Variants in MAN2B1 observed in about 807,000 individuals in gnomAD.
MAN2B1 encodes mannosidase alpha class 2B member 1.
A neutral mutation model predicts 127.5 loss-of-function variants in MAN2B1; 99 were observed. The observed-to-expected ratio is 0.78, with a 90% CI of 0.66 to 0.92. The LOEUF is 0.92. Ranked by LOEUF, MAN2B1 falls within the 40% of genes least tolerant of loss-of-function variation. The pLI is 0.00. For missense variants in MAN2B1, 1,304 were observed against 1,384.8 expected (o/e 0.94, Z 0.93); for synonymous variants, 573 against 568.8 (o/e 1.01, Z -0.11).
In MAN2B1 at chr19:12,661,176, G is replaced by A. The variant is rs560514667; in HGVS notation, c.1026+84C>T. ...AATAGAACAATAGAAAACAAAGACA[G>A]CACTGAGAGCTATGCACATAACCCA... is the stretch of plus-strand genomic sequence containing the variant. On this transcript the variant is annotated intron_variant, in intron 7 of 23. Transcript: ENST00000456935. 9.9e-4 allele frequency: 886 copies of A among 893,466 alleles called. 3 individuals carry two copies. The highest frequency in any genetic ancestry group is 1.5e-3 in the Non-Finnish European group (804 of 525,454). 55.3% of individuals were successfully genotyped at this position (893,466 alleles called of 1,614,324 possible).
intron 16 of MAN2B1, 48 bp downstream of exon 16, chr19:12,652,105 A>G (rs750455763): frequency 1.4e-6 from 2 of 1,464,368 alleles, no homozygotes; most frequent in South Asian, 1.1e-5. Context: ...CTTGGGCTCC[A>G]TAACTTCCCC....
chr19:12,653,614 A>T (rs1046210262), intron 14 of MAN2B1, among the ~76,000 whole-genome samples: 31 of 151,956 alleles, frequency 2.0e-4, no homozygotes, highest in Admixed American at 2.0e-3. Context: ...AAAAAAAAAA[A>T]TTTAAATTTG....
At chr19:12,648,855 C>T in intron 20 of MAN2B1, among the ~76,000 whole-genome samples, 1 of 152,088 alleles carries the variant, frequency 6.6e-6, no homozygotes, top group East Asian at 1.9e-4. Flanking sequence ...ATTAGCCGGG[C>T]GTGATGGTGT....
rs2023964670 is a variant in MAN2B1 at position 12,656,587 on chromosome 19, C to T, written c.1628G>A (p.Arg543Lys). The change falls in exon 13 of 24, where the codon AGG becomes AAG. Residue 543 changes from arginine (R) to lysine (K), a missense_variant. By Grantham distance (26) the Arg-to-Lys change is conservative. Coordinates refer to ENST00000456935, the MANE Select transcript of MAN2B1 (RefSeq NM_000528.4). ...GVFVVKDPNG[R>K]TVPSDVVIFP... is the part of the protein sequence containing the mutation. ...TGGGCTCACATCGCTGGGCACTGTC[C>T]TGCCATTGGGGTCCTTCACAACGAA... 1 of 1,613,168 alleles carries T rather than the reference C, an allele frequency of 6.2e-7. No homozygotes were observed. The highest frequency in any genetic ancestry group is 2.2e-5 in the East Asian group (1 of 44,872).
rs746514019 is a variant in MAN2B1, at chr19:12,649,398, G to A, written c.2298C>T (p.Asn766=). The A allele has an allele frequency of 1.5e-5, 24 of 1,612,772 alleles. No homozygotes were observed. In the South Asian group the frequency reaches 2.5e-4, roughly 17 times the overall value. ...RRDYRPTWKL[N]QTEPVAGNYY... ...AGTTTCCTGCCACGGGCTCCGTCTG[G>A]TTCAGTTTCCAGGTGGGTCGATAAT... Residue 766 remains asparagine (N), a synonymous_variant, in exon 19 of 24, where the codon AAC becomes AAT. Transcript: ENST00000456935.
Position 12,650,023 on chromosome 19 carries a change from A to C in MAN2B1, c.2166-9T>G. 1 of 1,613,432 alleles carries C rather than the reference A, an allele frequency of 6.2e-7. No homozygotes were observed. Among genetic ancestry groups the C allele is most frequent in the Non-Finnish European group, 8.5e-7 (1 of 1,179,472 alleles). On this transcript the variant is annotated splice_polypyrimidine_tract_variant and intron_variant, in intron 17 of 23. Transcript: ENST00000456935. ...CCTTCCCCCAGGTGTCGCTGTACCC[A>C]ATGGGATGGCAAGGTTGTGAGCCTT...
At chr19:12,653,756 T>A (rs1383932638) in intron 14 of MAN2B1, among the ~76,000 whole-genome samples, 2 of 151,976 alleles carry the variant, frequency 1.3e-5, no homozygotes, top group African/African-American at 2.4e-5. Context: ...TCTTGCTCTG[T>A]CCCCCAGGCT....
In MAN2B1 at chr19:12,657,448, C is replaced by T. The variant is rs749371047; in HGVS notation, c.1417G>A (p.Glu473Lys). ...CTCCCAAGTCTCGCCCCGCGCACCT[C>T]GCAAGGCCCCCAGCCTGCCGCAAGC... ...RQLAAGWGPC[E>K]VLLSNALARL... Residue 473 changes from glutamate to lysine, a missense_variant and splice_region_variant, in exon 11 of 24, where the codon GAG becomes AAG. Glu to Lys is a moderately conservative substitution (Grantham distance 56). Transcript: ENST00000456935. 6.4e-5 allele frequency: 100 copies of T among 1,550,712 alleles called. No individual in the cohort carries two copies. The Admixed American group carries it at 7.6e-4, about 12-fold the overall frequency.
At chr19:12,659,593 G>C (rs1215435612) in intron 7 of MAN2B1, among the ~76,000 whole-genome samples, 1 of 151,710 alleles carries the variant, frequency 6.6e-6, no homozygotes. Context: ...CAAGGCGGAC[G>C]GATCACCTGA....
chr19:12,661,867 C>T (rs890913797), intron 6 of MAN2B1, among the ~76,000 whole-genome samples: 1 of 150,160 alleles, frequency 6.7e-6, no homozygotes, highest in Non-Finnish European at 1.5e-5. Context: ...TTTTTTGAGA[C>T]AGAGTTTCAC....
At chr19:12,661,406 G>T in intron 6 of MAN2B1, 30 bp from the exon 7 acceptor site, 1 of 1,427,276 alleles carries the variant, frequency 7.0e-7, no homozygotes, top group Non-Finnish European at 9.9e-7. Context: ...CCTGAAGCCA[G>T]AGGATCCTGG....
At position 12,647,908 on chromosome 19, in the gene MAN2B1, GA is replaced by G. The variant is rs2023733773; in HGVS notation, c.2664+266del. ...GCAGGACAGAGCCTGGGGGCGGTGA[GA>G]GGGCGGGGCTAAAGTGAAATGGGCG... On this transcript the variant is annotated intron_variant, in intron 21 of 23. Transcript: ENST00000456935. This position sits in a 1 kb window ranked among gnomAD's most constrained non-coding sequence, Gnocchi z 4.9. Among the ~76,000 whole-genome samples the G allele has an allele frequency of 6.6e-6, 1 of 151,858 alleles. No homozygotes were observed. Among genetic ancestry groups the G allele is most frequent in the Admixed American group, 6.6e-5 (1 of 15,244 alleles).
Position 12,658,118 on chromosome 19 carries a change from C to G in MAN2B1, c.1254G>C (p.Leu418=). ...GTCCCACGTTGGCCGCCAGGCCCAC[C>G]AGCGCCTCCAGCTGGTTGCACACCT... The part of the protein sequence containing the change: ...FLQVCNQLEA[L]VGLAANVGPY... The change falls in exon 10 of 24, where the codon CTG becomes CTC. Residue 418 remains leucine (L), a synonymous_variant. Transcript: ENST00000456935. The G allele has an allele frequency of 6.2e-7, 1 of 1,613,548 alleles. No homozygotes were observed. The highest frequency in any genetic ancestry group is 8.5e-7 in the Non-Finnish European group (1 of 1,179,994).
Position 12,648,301 on chromosome 19 carries a change from C to A in MAN2B1, c.2538G>T (p.Leu846=). The part of the protein sequence containing the change: ...AWVRGRHLVL[L]DTAQAAAAGH... ...CGGCGGCTGCAGCCTGGGCTGTGTC[C>A]AGCAGCACCAGGTGGCGCCCTCGCA... is the stretch of plus-strand genomic sequence containing the variant. Residue 846 remains leucine (L), a synonymous_variant, in exon 21 of 24, where the codon CTG becomes CTT. Coordinates refer to ENST00000456935, the MANE Select transcript of MAN2B1 (RefSeq NM_000528.4). 6.2e-7 allele frequency: 1 copy of A among 1,612,896 alleles called. No individual in the cohort carries two copies. Among genetic ancestry groups the A allele is most frequent in the Non-Finnish European group, 8.5e-7 (1 of 1,179,770 alleles).
chr19:12,666,377 T>G (rs1374721615), intron 1 of MAN2B1, among the ~76,000 whole-genome samples, 166 bp downstream of exon 1: 1 of 152,126 alleles, frequency 6.6e-6, no homozygotes, highest in Admixed American at 6.5e-5. Context: ...TATACTCAGA[T>G]GCGCACAGCC....
At position 12,657,912 on chromosome 19, in the gene MAN2B1, A is replaced by C. The variant is rs1382180072; in HGVS notation, c.1309+151T>G. 1.8e-5 allele frequency: 13 copies of C among 720,204 alleles called. No homozygotes were observed. In the East Asian group the frequency reaches 3.4e-4, roughly 19 times the overall value. The allele number at this position is 720,204 out of a possible 1,614,324, so 44.6% of individuals were successfully genotyped here. On this transcript the variant is annotated intron_variant, in intron 10 of 23. Transcript: ENST00000456935. ...GGAGCTTGCAGTGAGCCGAGATCGC[A>C]CCACTGCACTCCAGCCTGGGAGACA...
At chr19:12,664,760 G>A (rs914597675) in intron 4 of MAN2B1, 32 bp downstream of exon 4, 6 of 1,602,076 alleles carry the variant, frequency 3.7e-6, no homozygotes, top group Non-Finnish European at 4.3e-6. Flanking sequence ...AGTGAGTGAA[G>A]AAGTGGGCCC....
In MAN2B1 at chr19:12,659,020, C is replaced by A. The variant is rs149809905; in HGVS notation, c.1027-510G>T. On this transcript the variant is annotated intron_variant, in intron 7 of 23. Coordinates refer to ENST00000456935, the MANE Select transcript of MAN2B1 (RefSeq NM_000528.4). ...TACAGGTGCCCGCCACCACACCCGG[C>A]TAATTTTTTGCATTTTTTAGTAGAG... 957 of 199,458 alleles carry A rather than the reference C, an allele frequency of 4.8e-3. 23 individuals carry two copies. The East Asian group carries it at 0.058, about 12-fold the overall frequency. 12.4% of individuals were successfully genotyped at this position (199,458 alleles called of 1,614,324 possible). A position where few individuals can be genotyped will look rare whatever the true frequency, so the allele number is the denominator to read the frequency against.
chr19:12,653,750 G>A (rs981796269), intron 14 of MAN2B1, among the ~76,000 whole-genome samples: 3 of 151,834 alleles, frequency 2.0e-5, no homozygotes, highest in Non-Finnish European at 4.4e-5. Flanking sequence ...ACAGAGTCTT[G>A]CTCTGTCCCC....
Sources: gnomAD v4.1 joint callset for allele counts (sites outside exome capture counted in the v4.1 genomes callset) on GRCh38, gnomAD v4.1.1 for gene constraint, Gnocchi (gnomAD v3.1) non-coding constraint, MANE v1.5 for transcripts, NCBI Gene and HGNC (gene_info 2026-07-23, HGNC 2026-07-21) for gene names.